The following CIROZ variants were observed in gnomAD, a reference collection of about 807,000 sequenced individuals.
CIROZ encodes ciliated left-right organizer ZP-N domains-containing protein.
the CIROZ span, among the ~76,000 whole-genome samples, chr1:10,955,712 C>T: frequency 3.3e-5 from 5 of 151,788 alleles, no homozygotes; most frequent in South Asian, 2.1e-4. Context: ...GGCGTGGTGG[C>T]GGGTGCCTGT....
At chr1:10,967,363 G>T in the CIROZ span, among the ~76,000 whole-genome samples, 485 of 151,946 alleles carry the variant, frequency 3.2e-3, 4 homozygotes, top group East Asian at 0.018. Flanking sequence ...CCTCTGCCTG[G>T]AACTCTCTTC....
At chr1:10,972,420 T>TAGAAACACACACAC in the CIROZ span, among the ~76,000 whole-genome samples, 30 of 131,806 alleles carry the variant, frequency 2.3e-4, no homozygotes, top group African/African-American at 9.1e-4. Context: ...GTCTCTGAAA[T>TAGAAACACACACAC]ACACACACAC....
the CIROZ span, chr1:10,948,400 C>A: frequency 6.2e-7 from 1 of 1,613,146 alleles, no homozygotes; most frequent in Non-Finnish European, 8.5e-7. Flanking sequence ...CCGGGCTCCC[C>A]CATGATGGGC....
chr1:10,978,802 T>G, the CIROZ span, among the ~76,000 whole-genome samples: 1 of 150,942 alleles, frequency 6.6e-6, no homozygotes, highest in South Asian at 2.1e-4. Context: ...CGGAAATGAG[T>G]TTGGTGTGTT....
At chr1:10,980,911 C>T in the CIROZ span, among the ~76,000 whole-genome samples, 3 of 152,234 alleles carry the variant, frequency 2.0e-5, no homozygotes, top group Non-Finnish European at 4.4e-5. Context: ...GGACCTCCCC[C>T]TTGCTCGCCC....
At chr1:10,958,687 C>T in the CIROZ span, 41 of 1,613,604 alleles carry the variant, frequency 2.5e-5, no homozygotes, top group Non-Finnish European at 3.5e-5. Context: ...GAGAGTTGCT[C>T]CTGCTACTTC....
the CIROZ span, among the ~76,000 whole-genome samples, chr1:10,977,220 G>A: frequency 2.6e-5 from 4 of 151,716 alleles, no homozygotes; most frequent in South Asian, 4.2e-4. Flanking sequence ...GATGAATCTC[G>A]TGCCTATAAT....
At chr1:10,946,688 C>T in the CIROZ span, 3 of 152,226 alleles carry the variant, frequency 2.0e-5, no homozygotes, top group African/African-American at 7.2e-5. Context: ...AGCCTGGGGA[C>T]AGCTGGGTCA....
chr1:10,980,257 C>T, the CIROZ span, among the ~76,000 whole-genome samples: 1 of 152,232 alleles, frequency 6.6e-6, no homozygotes, highest in Non-Finnish European at 1.5e-5. Flanking sequence ...AGGACTGGTT[C>T]CCCAGCCTGG....
At chr1:10,953,662 A>G in the CIROZ span, among the ~76,000 whole-genome samples, 4 of 152,174 alleles carry the variant, frequency 2.6e-5, no homozygotes, top group African/African-American at 9.7e-5. Context: ...TCCTCAAAAT[A>G]GGTACTGGTA....
At chr1:10,956,381 C>G in the CIROZ span, among the ~76,000 whole-genome samples, 3 of 152,126 alleles carry the variant, frequency 2.0e-5, no homozygotes, top group African/African-American at 7.2e-5. Context: ...GCTGCAGGCT[C>G]TCTCCCGTCT....
the CIROZ span, chr1:10,947,695 C>CA: frequency 6.5e-7 from 1 of 1,527,576 alleles, no homozygotes; most frequent in Non-Finnish European, 8.8e-7. Flanking sequence ...AGCCCCTCCA[C>CA]ACTGTCTTGA....
chr1:10,978,695 G>A, the CIROZ span, among the ~76,000 whole-genome samples: 1 of 152,046 alleles, frequency 6.6e-6, no homozygotes, highest in Non-Finnish European at 1.5e-5. Flanking sequence ...GGGTAACAAA[G>A]CGAGACCCTG....
At chr1:10,954,901 A>T in the CIROZ span, 3 of 1,381,764 alleles carry the variant, frequency 2.2e-6, no homozygotes, top group Non-Finnish European at 2.9e-6. Context: ...CCTACCTTCC[A>T]TGTTTCTGAC....
At chr1:10,961,461 G>C in the CIROZ span, among the ~76,000 whole-genome samples, 1 of 152,224 alleles carries the variant, frequency 6.6e-6, no homozygotes, top group Non-Finnish European at 1.5e-5. Flanking sequence ...GCCGGGCTCA[G>C]AGCGGAGATG....
At chr1:10,955,674 C>A in the CIROZ span, among the ~76,000 whole-genome samples, 1 of 152,010 alleles carries the variant, frequency 6.6e-6, no homozygotes, top group African/African-American at 2.4e-5. Context: ...GAAACCCCAT[C>A]TCTACTAAAA....
chr1:10,969,511 C>T, the CIROZ span, among the ~76,000 whole-genome samples: 3 of 152,224 alleles, frequency 2.0e-5, no homozygotes, highest in African/African-American at 7.2e-5. Context: ...TTTAGTCTCA[C>T]TTCCACTTTT....
chr1:10,977,439 C>T, the CIROZ span, among the ~76,000 whole-genome samples: 4 of 152,006 alleles, frequency 2.6e-5, no homozygotes, highest in Admixed American at 1.3e-4. Context: ...GATGAGATCA[C>T]GCCACTGCAC....
At chr1:10,952,633 G>C in the CIROZ span, among the ~76,000 whole-genome samples, 2 of 152,122 alleles carry the variant, frequency 1.3e-5, no homozygotes, top group Admixed American at 1.3e-4. Flanking sequence ...AGGTGCAAGC[G>C]ATTCTCCTGC....
Sources: allele counts gnomAD v4.1 joint callset (sites outside exome capture counted in the v4.1 genomes callset), GRCh38; gene constraint gnomAD v4.1.1; transcripts MANE v1.5; gene names NCBI Gene and HGNC (gene_info 2026-07-23, HGNC 2026-07-21).